CNTNAP2: variants seen among roughly 807,000 people sequenced by gnomAD.
CNTNAP2 encodes the protein contactin associated protein 2.
CNTNAP2 carries 98 observed loss-of-function variants against 155.2 expected under a neutral mutation model. That is an observed-to-expected ratio of 0.63 (90% CI 0.54 to 0.75). The LOEUF (loss-of-function observed/expected upper bound fraction) is 0.75, where lower values mean the gene tolerates loss of function less well. Among genes scored for constraint, CNTNAP2 ranks in the 30% least tolerant of loss-of-function variants. CNTNAP2 has a pLI of 0.00. For synonymous variants in CNTNAP2, 651 were observed against 631.2 expected, an observed-to-expected ratio of 1.03 and a Z score of -0.47; for missense variants, 1,727 against 1,688.1, an observed-to-expected ratio of 1.02 and a Z score of -0.40.
At chr7:146,238,494 G>C (rs1054972935) in intron 1 of CNTNAP2, among the ~76,000 whole-genome samples, 4 of 151,902 alleles carry the variant, frequency 2.6e-5, no homozygotes, top group African/African-American at 9.7e-5. Flanking sequence ...GAATTGAAGA[G>C]AAAACCATGG....
intron 15 of CNTNAP2, among the ~76,000 whole-genome samples, chr7:148,105,864 G>A (rs1423832624): frequency 6.6e-6 from 1 of 152,184 alleles, no homozygotes; most frequent in Non-Finnish European, 1.5e-5. Context: ...TGGGATTACA[G>A]GCATGTGCCA....
intron 9 of CNTNAP2, among the ~76,000 whole-genome samples, chr7:147,346,507 A>G (rs1351608076): frequency 6.6e-6 from 1 of 152,138 alleles, no homozygotes; most frequent in African/African-American, 2.4e-5. Context: ...TGTCAATCCT[A>G]TTCTTTCTGG....
chr7:147,099,307 A>G (rs1318204435), intron 4 of CNTNAP2, among the ~76,000 whole-genome samples: 1 of 152,176 alleles, frequency 6.6e-6, no homozygotes, highest in Non-Finnish European at 1.5e-5. Flanking sequence ...TGTGCTTACC[A>G]TCTCTAGAAA....
chr7:146,176,502 C>G (rs1282296851), intron 1 of CNTNAP2, among the ~76,000 whole-genome samples: 1 of 152,016 alleles, frequency 6.6e-6, no homozygotes, highest in Non-Finnish European at 1.5e-5. Flanking sequence ...CTTTGGAAAG[C>G]CAGGCAAAGG....
intron 21 of CNTNAP2, among the ~76,000 whole-genome samples, chr7:148,353,338 A>G (rs186820658): frequency 1.3e-5 from 2 of 152,348 alleles, no homozygotes; most frequent in Non-Finnish European, 2.9e-5. Context: ...ATACTGGATT[A>G]TGCAAAAGTA....
intron 21 of CNTNAP2, among the ~76,000 whole-genome samples, chr7:148,344,416 C>T (rs934426830): frequency 6.6e-6 from 1 of 152,198 alleles, no homozygotes; most frequent in Non-Finnish European, 1.5e-5. Flanking sequence ...GAGTCCTTCT[C>T]CAATCACCTC....
At chr7:146,904,213 C>G (rs1311507215) in intron 3 of CNTNAP2, among the ~76,000 whole-genome samples, 1 of 152,068 alleles carries the variant, frequency 6.6e-6, no homozygotes, top group African/African-American at 2.4e-5. Flanking sequence ...GGTTGTTACT[C>G]TAGCATAGCA....
intron 13 of CNTNAP2, among the ~76,000 whole-genome samples, chr7:147,684,401 C>CA (rs1484612496): frequency 2.6e-5 from 4 of 151,608 alleles, no homozygotes; most frequent in South Asian, 2.1e-4. Flanking sequence ...TTTACACTTT[C>CA]AAAAAAATAA....
intron 15 of CNTNAP2, among the ~76,000 whole-genome samples, chr7:148,047,652 A>T (rs2707563): frequency 0.76 from 115,384 of 152,254 alleles, 44,771 homozygotes; most frequent in African/African-American, 0.92. Context: ...CTTGTTCTAC[A>T]TCAGTAGGGA....
rs550518757 is a variant in CNTNAP2, at chr7:146,402,835, TC to T, written c.97+285864del. On this transcript the variant is annotated intron_variant, in intron 1 of 23. Coordinates refer to ENST00000361727, the MANE Select transcript of CNTNAP2 (RefSeq NM_014141.6). ...GTGAAGTTTTTATAGATATGAATCT[TC>T]CGGTTGAATTTTTGACTTTGAATAA... Among the ~76,000 whole-genome samples, 28 of 152,258 alleles carry T rather than the reference TC, an allele frequency of 1.8e-4. No homozygotes were observed. The East Asian group carries it at 5.2e-3, about 28-fold the overall frequency.
In CNTNAP2 at chr7:148,200,800, A is replaced by G. The variant is rs936149623; in HGVS notation, c.3011-16488A>G. Among the ~76,000 whole-genome samples the G allele has an allele frequency of 7.9e-5, 12 of 152,322 alleles. No homozygotes were observed. The South Asian group carries it at 2.1e-3, about 26-fold the overall frequency. ...GTAGTTAATAGTAAGAACTTGGTAGATGTGTGACTGCAGGCAGGTTGTTTA... is the reference window on the plus strand; with the variant it reads ...GTAGTTAATAGTAAGAACTTGGTAGGTGTGTGACTGCAGGCAGGTTGTTTA... On this transcript the variant is annotated intron_variant, in intron 18 of 23. Transcript: ENST00000361727.
intron 1 of CNTNAP2, among the ~76,000 whole-genome samples, chr7:146,357,621 G>A (rs1795018401): frequency 6.6e-6 from 1 of 152,118 alleles, no homozygotes; most frequent in Non-Finnish European, 1.5e-5. Flanking sequence ...ATTTATGGTA[G>A]AGTTGTAGGA....
rs749575477 is a variant in CNTNAP2, at chr7:148,172,352, G to T, written c.2884G>T (p.Gly962Ter). Reference protein sequence around the residue: ...RAKVTSGFISGCSGHCTSYGT... With the variant: ...RAKVTSGFIS Reference sequence around the variant, plus strand: ...AAAGGTCACATCTGGGTTCATATCCGGATGCTCGGGCCATTGCACCAGCTA... The same window carrying T: ...AAAGGTCACATCTGGGTTCATATCCTGATGCTCGGGCCATTGCACCAGCTA... The change falls in exon 18 of 24, where the codon GGA becomes TGA. Residue 962 changes from glycine (G) to a stop codon, truncating the protein, a stop_gained. Transcript: ENST00000361727. LOFTEE classifies it high-confidence loss of function. The T allele has an allele frequency of 1.2e-6, 2 of 1,614,140 alleles. No homozygotes were observed. The highest frequency in any genetic ancestry group is 1.7e-6 in the Non-Finnish European group (2 of 1,180,036).
chr7:147,087,311 G>C (rs1209409292), intron 4 of CNTNAP2, among the ~76,000 whole-genome samples: 1 of 152,136 alleles, frequency 6.6e-6, no homozygotes, highest in Admixed American at 6.5e-5. Context: ...GTGGCAGAGT[G>C]GGGAGTGGAA....
intron 18 of CNTNAP2, among the ~76,000 whole-genome samples, chr7:148,173,072 A>C (rs1167750621): frequency 6.6e-6 from 1 of 152,246 alleles, no homozygotes; most frequent in Non-Finnish European, 1.5e-5. Flanking sequence ...AGCTTAGAGC[A>C]TCTGTTATTA....
chr7:148,370,669 G>A (rs1363092426), intron 21 of CNTNAP2, among the ~76,000 whole-genome samples: 3 of 145,494 alleles, frequency 2.1e-5, no homozygotes, highest in African/African-American at 5.0e-5. Context: ...TGTTTCCACC[G>A]CACCCCACCA....
intron 1 of CNTNAP2, among the ~76,000 whole-genome samples, chr7:146,269,755 A>G (rs180972078): frequency 8.5e-5 from 13 of 152,340 alleles, no homozygotes; most frequent in Admixed American, 7.8e-4. Flanking sequence ...AACTCTGTAT[A>G]CACTTTCCAG....
intron 1 of CNTNAP2, among the ~76,000 whole-genome samples, chr7:146,149,879 G>GAAAAAAAAAA (rs377385260): frequency 6.7e-5 from 4 of 59,522 alleles, no homozygotes; most frequent in African/African-American, 6.7e-5. Flanking sequence ...TAGCCACAAA[G>GAAAAAAAAAA]AAAAAAAAAA....
At chr7:146,689,065 TCATATCAGAATTTAGGAGG>T (rs1224604036) in intron 1 of CNTNAP2, among the ~76,000 whole-genome samples, 1 of 152,172 alleles carries the variant, frequency 6.6e-6, no homozygotes, top group African/African-American at 2.4e-5. Context: ...AAAAGTCTCT[TCATATCAGAATTTAGGAGG>T]CATACACATA....
Sources: gnomAD v4.1 joint callset for allele counts (sites outside exome capture counted in the v4.1 genomes callset) on GRCh38, gnomAD v4.1.1 for gene constraint, MANE v1.5 for transcripts, NCBI Gene and HGNC (gene_info 2026-07-23, HGNC 2026-07-21) for gene names.